ATP10B: variants seen among roughly 807,000 people sequenced by gnomAD.
The protein encoded by ATP10B is phospholipid-transporting ATPase VB.
Under a neutral mutation model 141.2 loss-of-function variants are expected in ATP10B, and 122 were observed. The observed-to-expected ratio is 0.86, with a 90% CI of 0.75 to 1.00. The LOEUF (loss-of-function observed/expected upper bound fraction) is 1.00. ATP10B is among the 50% of genes least tolerant of loss of function. The probability of loss-of-function intolerance (pLI) is 0.00; values close to 1 mark genes in which losing one functional copy is unlikely to be tolerated. For missense variants in ATP10B, 1,876 were observed against 1,825.3 expected (o/e 1.03, Z -0.51); for synonymous variants, 685 against 692.0 (o/e 0.99, Z 0.16).
rs191936998 is a variant in ATP10B, at chr5:160,746,790, T to C, written c.-330-29756A>G. Among the ~76,000 whole-genome samples, 4 of 152,308 alleles carry C rather than the reference T, an allele frequency of 2.6e-5. No homozygotes were observed. The East Asian group carries it at 7.7e-4, about 29-fold the overall frequency. ...ATACCTCTGAATATTCACTACCATT[T>C]ATTACCATACTCTATTGGATGATTA... is the stretch of plus-strand genomic sequence containing the variant. On this transcript the variant is annotated intron_variant, in intron 2 of 25. Coordinates refer to ENST00000327245, the MANE Select transcript of ATP10B (RefSeq NM_025153.3).
intron 3 of ATP10B, among the ~76,000 whole-genome samples, chr5:160,709,030 G>C (rs1314932382): frequency 6.6e-6 from 1 of 152,150 alleles, no homozygotes; most frequent in Non-Finnish European, 1.5e-5. Flanking sequence ...CAGACAGACA[G>C]ACCCCTTGGA....
chr5:160,815,804 C>T (rs1208503574), intron 1 of ATP10B, among the ~76,000 whole-genome samples: 1 of 152,164 alleles, frequency 6.6e-6, no homozygotes, highest in African/African-American at 2.4e-5. Flanking sequence ...GAAATTATAA[C>T]AAACTGTCTC....
At chr5:160,582,336 G>A (rs926021817) in intron 24 of ATP10B, among the ~76,000 whole-genome samples, 6 of 152,126 alleles carry the variant, frequency 3.9e-5, no homozygotes, top group Non-Finnish European at 8.8e-5. Flanking sequence ...TTGTAAGGTA[G>A]GCCTGGTGGT....
chr5:160,913,199 G>T, the ATP10B span, among the ~76,000 whole-genome samples: 1 of 152,184 alleles, frequency 6.6e-6, no homozygotes, highest in Non-Finnish European at 1.5e-5. Flanking sequence ...TTCCAATTCT[G>T]GTCCCAGCTC....
At chr5:160,678,941 G>A (rs1763208728) in intron 6 of ATP10B, among the ~76,000 whole-genome samples, 1 of 152,178 alleles carries the variant, frequency 6.6e-6, no homozygotes, top group South Asian at 2.1e-4. Flanking sequence ...GCATCCTGAA[G>A]TTTATTTCTA....
chr5:160,795,003 G>T (rs1055907555), intron 1 of ATP10B, among the ~76,000 whole-genome samples: 1 of 152,146 alleles, frequency 6.6e-6, no homozygotes, highest in East Asian at 1.9e-4. Context: ...CTGCCTGGCA[G>T]AGTACCCTTA....
chr5:160,876,712 A>G, the ATP10B span, among the ~76,000 whole-genome samples: 311 of 151,890 alleles, frequency 2.0e-3, no homozygotes, highest in African/African-American at 7.0e-3. Context: ...TATCACCACC[A>G]ATCCCACAGA....
At chr5:160,571,322 C>T (rs938935003) in intron 24 of ATP10B, among the ~76,000 whole-genome samples, 3 of 152,102 alleles carry the variant, frequency 2.0e-5, no homozygotes, top group Admixed American at 2.0e-4. Context: ...TTAGCTATAT[C>T]TAATTTTCTA....
At chr5:160,833,905 C>T (rs1430376031) in intron 1 of ATP10B, among the ~76,000 whole-genome samples, 1 of 152,062 alleles carries the variant, frequency 6.6e-6, no homozygotes, top group Non-Finnish European at 1.5e-5. Flanking sequence ...AGAGGGAAAC[C>T]TCAACTTTAT....
chr5:160,685,946 AC>A (rs557299886), intron 6 of ATP10B, 132 bp downstream of exon 6: 28 of 777,452 alleles, frequency 3.6e-5, no homozygotes, highest in South Asian at 9.3e-5. Flanking sequence ...GGTCGAAATC[AC>A]CCCCCCTTGA....
At chr5:160,704,972 G>T (rs1764912060) in intron 3 of ATP10B, among the ~76,000 whole-genome samples, 2 of 119,988 alleles carry the variant, frequency 1.7e-5, no homozygotes, top group Non-Finnish European at 3.2e-5. Flanking sequence ...AGGTTGGAGT[G>T]CAGTGGCATG....
the ATP10B span, among the ~76,000 whole-genome samples, chr5:160,919,804 C>T: frequency 4.6e-5 from 7 of 152,286 alleles, no homozygotes; most frequent in African/African-American, 1.4e-4. Flanking sequence ...TCGCTAACGA[C>T]GGCGCCTTCC....
chr5:160,830,699 T>C (rs1392698298), intron 1 of ATP10B, among the ~76,000 whole-genome samples: 2 of 152,068 alleles, frequency 1.3e-5, no homozygotes, highest in Non-Finnish European at 2.9e-5. Flanking sequence ...AGTTCCATTA[T>C]CTGTAGAGTA....
At chr5:160,819,889 T>C (rs1003556611) in intron 1 of ATP10B, among the ~76,000 whole-genome samples, 1 of 151,982 alleles carries the variant, frequency 6.6e-6, no homozygotes, top group African/African-American at 2.4e-5. Flanking sequence ...ATCACCTTCA[T>C]TTTATGGCTA....
chr5:160,777,271 C>CT (rs1770402418), intron 2 of ATP10B, among the ~76,000 whole-genome samples: 1 of 152,202 alleles, frequency 6.6e-6, no homozygotes, highest in Non-Finnish European at 1.5e-5. Context: ...GTGACAGTAT[C>CT]TTGGTTTGGG....
In ATP10B at chr5:160,622,443, G is replaced by T. The variant is rs756117508; in HGVS notation, c.1763C>A (p.Thr588Asn). ...GGACACCATGACAGAGTTGCAGATG[G>T]TTAAGGCAAGGAAGAAATCAGCAAT... ...SSIADFFLAL[T>N]ICNSVMVSTT... The change falls in exon 14 of 26, where the codon ACC becomes AAC. Residue 588 changes from threonine to asparagine, a missense_variant. Physicochemically the swap from Thr to Asn is moderately conservative, Grantham distance 65. Coordinates refer to ENST00000327245, the MANE Select transcript of ATP10B (RefSeq NM_025153.3). 3.1e-6 allele frequency: 5 copies of T among 1,614,072 alleles called. No individual in the cohort carries two copies. Among genetic ancestry groups the T allele is most frequent in the Non-Finnish European group, 4.2e-6 (5 of 1,180,012 alleles).
intron 1 of ATP10B, among the ~76,000 whole-genome samples, chr5:160,795,844 A>C (rs181276515): frequency 1.1e-3 from 173 of 152,254 alleles, no homozygotes; most frequent in Non-Finnish European, 2.0e-3. Flanking sequence ...CAGCCCCCAG[A>C]GGAAGCATGG....
At chr5:160,730,750 C>G (rs924219295) in intron 2 of ATP10B, among the ~76,000 whole-genome samples, 2 of 152,136 alleles carry the variant, frequency 1.3e-5, no homozygotes, top group African/African-American at 4.8e-5. Context: ...AAAACTGCAC[C>G]TTTCCAGTCC....
the ATP10B span, among the ~76,000 whole-genome samples, chr5:160,857,709 T>A: frequency 6.6e-6 from 1 of 151,914 alleles, no homozygotes; most frequent in Non-Finnish European, 1.5e-5. Context: ...GTGTTGTATT[T>A]TAAATTTTTG....
Sources: allele counts gnomAD v4.1 joint callset (sites outside exome capture counted in the v4.1 genomes callset), GRCh38; gene constraint gnomAD v4.1.1; transcripts MANE v1.5; gene names NCBI Gene and HGNC (gene_info 2026-07-23, HGNC 2026-07-21).